The following NF1 variants were observed in gnomAD, a reference collection of about 807,000 sequenced individuals.
NF1 encodes neurofibromin.
A neutral mutation model predicts 325.7 loss-of-function variants in NF1; 122 were observed. That is an observed-to-expected ratio of 0.37 (90% CI 0.32 to 0.44). The LOEUF (loss-of-function observed/expected upper bound fraction) is 0.44. Among genes scored for constraint, NF1 ranks in the 20% least tolerant of loss-of-function variants. The probability of loss-of-function intolerance (pLI) is 1.00; values close to 1 mark genes in which losing one functional copy is unlikely to be tolerated. For synonymous variants in NF1, 1,091 were observed against 1,186.0 expected, an observed-to-expected ratio of 0.92 and a Z score of 1.65; for missense variants, 2,140 against 3,415.4, an observed-to-expected ratio of 0.63 and a Z score of 9.31.
chr17:31,141,667 T>A (rs1916227995), intron 1 of NF1, among the ~76,000 whole-genome samples: 1 of 152,212 alleles, frequency 6.6e-6, no homozygotes, highest in Non-Finnish European at 1.5e-5. Context: ...ACATTTATTA[T>A]CCCACAGTTT....
intron 5 of NF1, among the ~76,000 whole-genome samples, chr17:31,173,216 C>T (rs1485803107): frequency 6.6e-6 from 1 of 152,070 alleles, no homozygotes; most frequent in African/African-American, 2.4e-5. Flanking sequence ...GGAGACCATC[C>T]TGGCTAACAC....
intron 1 of NF1, among the ~76,000 whole-genome samples, chr17:31,140,546 T>C (rs1916138144): frequency 6.6e-6 from 1 of 152,226 alleles, no homozygotes; most frequent in Non-Finnish European, 1.5e-5. Context: ...AAATCCTTAT[T>C]TTATAGAAAT....
chr17:31,294,296 T>A (rs1407396452), intron 36 of NF1, among the ~76,000 whole-genome samples: 1 of 152,234 alleles, frequency 6.6e-6, no homozygotes, highest in African/African-American at 2.4e-5. Context: ...TTAACACTTT[T>A]CTTACATGCA....
chr17:31,311,141 TG>T (rs1210234533), intron 36 of NF1, among the ~76,000 whole-genome samples: 1 of 152,038 alleles, frequency 6.6e-6, no homozygotes, highest in Non-Finnish European at 1.5e-5. Context: ...TTTGTAGACA[TG>T]GGGTTTCACC....
rs1318891665 is a variant in NF1, at chr17:31,343,086, C to G, written c.7140C>G (p.Leu2380=). 1.2e-6 allele frequency: 2 copies of G among 1,613,970 alleles called. No homozygotes were observed. The highest frequency in any genetic ancestry group is 1.7e-6 in the Non-Finnish European group (2 of 1,179,912). Residue 2380 remains leucine, a synonymous_variant, in exon 48 of 58, where the codon CTC becomes CTG. Coordinates refer to ENST00000358273, the MANE Select transcript of NF1 (RefSeq NM_001042492.3). ...HCKQMDHFVG[L]NFNSNFNFAL... is the part of the protein sequence containing the mutation. Reference sequence around the variant, plus strand: ...AGCAAATGGATCATTTTGTTGGACTCAATTTCAACTCTAACTTTAACTTTG... The same window carrying G: ...AGCAAATGGATCATTTTGTTGGACTGAATTTCAACTCTAACTTTAACTTTG...
rs772810457 is a variant in NF1 at position 31,229,224 on chromosome 17, T to C, written c.2609T>C (p.Val870Ala). 3.7e-6 allele frequency: 6 copies of C among 1,612,150 alleles called. No individual in the cohort carries two copies. The South Asian group carries it at 6.6e-5, about 18-fold the overall frequency. ...LATYSPPMGP[V>A]SERKGSMISV... ...ACCTATAGCCCACCCATGGGTCCAG[T>C]CAGTGAACGTAAGGGTTCTATGATT... The change falls in exon 21 of 58, where the codon GTC becomes GCC. Residue 870 changes from valine (V) to alanine (A), a missense_variant. Val to Ala is a moderately conservative substitution (Grantham distance 64). Coordinates refer to ENST00000358273, the MANE Select transcript of NF1 (RefSeq NM_001042492.3).
chr17:31,261,823 C>T lies in NF1; in HGVS notation c.4690C>T (p.Leu1564Phe), dbSNP rs1427435078. 2.5e-6 allele frequency: 4 copies of T among 1,612,972 alleles called. No individual in the cohort carries two copies. The Admixed American group carries it at 6.7e-5, about 27-fold the overall frequency. Residue 1564 changes from leucine to phenylalanine, a missense_variant, in exon 35 of 58, where the codon CTT becomes TTT. Leu to Phe is a conservative substitution (Grantham distance 22). Transcript: ENST00000358273. ...VADTHWSSLNLTSSKFEEFMT... is the reference protein window; with the variant it reads ...VADTHWSSLNFTSSKFEEFMT... ...AGATACACACTGGTCCAGCCTTAAC[C>T]TTACCAGTTCAAAGTTTGAGGAATT...
Position 31,233,168 on chromosome 17 carries a change from C to A in NF1, c.3663C>A (p.Leu1221=). Residue 1221 remains leucine, a synonymous_variant, in exon 27 of 58, where the codon CTC becomes CTA. Coordinates refer to ENST00000358273, the MANE Select transcript of NF1 (RefSeq NM_001042492.3). The part of the protein sequence containing the change: ...LVTMMGDQGE[L]PIAMALANVV... ...CAATGATGGGTGATCAAGGAGAACT[C>A]CCTATAGCGATGGCTCTGGCCAATG... is the stretch of plus-strand genomic sequence containing the variant. The A allele has an allele frequency of 6.2e-7, 1 of 1,614,098 alleles. No individual in the cohort carries two copies. Among genetic ancestry groups the A allele is most frequent in the Non-Finnish European group, 8.5e-7 (1 of 1,180,010 alleles).
chr17:31,356,936 C>T lies in NF1; in HGVS notation c.7739-24C>T, dbSNP rs754490897. ...AAGTGATTATCCAGGTGTTTGATCA[C>T]GTTAATTCCCTATCTTGCTGCAGAA... is the stretch of plus-strand genomic sequence containing the variant. On this transcript the variant is annotated intron_variant, in intron 52 of 57. Transcript: ENST00000358273. 9 of 1,613,222 alleles carry T rather than the reference C, an allele frequency of 5.6e-6. No homozygotes were observed. The East Asian group carries it at 6.7e-5, about 12-fold the overall frequency.
chr17:31,191,377 C>T (rs1447526780), intron 8 of NF1, among the ~76,000 whole-genome samples: 1 of 152,100 alleles, frequency 6.6e-6, no homozygotes, highest in Non-Finnish European at 1.5e-5. Context: ...TTGAAAACAG[C>T]CCAAATGTCC....
chr17:31,232,369 C>T (rs1261590703), intron 25 of NF1, among the ~76,000 whole-genome samples, 180 bp downstream of exon 25: 5 of 151,916 alleles, frequency 3.3e-5, no homozygotes, highest in Non-Finnish European at 7.4e-5. Context: ...ACCCAGATTG[C>T]TTCATTAAGT....
At chr17:31,255,014 G>T (rs1174429023) in intron 31 of NF1, among the ~76,000 whole-genome samples, 2 of 152,168 alleles carry the variant, frequency 1.3e-5, no homozygotes, top group African/African-American at 4.8e-5. Context: ...ATTGGAATAT[G>T]TAAAATATAG....
chr17:31,361,218 A>C (rs2070393576), intron 57 of NF1: 1 of 154,534 alleles, frequency 6.5e-6, no homozygotes, highest in East Asian at 1.9e-4. Context: ...ATAAATAATC[A>C]AACAAAAAAT....
At position 31,374,024 on chromosome 17, in the gene NF1, G is replaced by GAGA. The variant is rs1567634466; in HGVS notation, c.8391_8393dup (p.Glu2797_Asn2798insLys). 3 of 1,614,042 alleles carry GAGA rather than the reference G, an allele frequency of 1.9e-6. No homozygotes were observed. The highest frequency in any genetic ancestry group is 2.5e-6 in the Non-Finnish European group (3 of 1,179,944). ...CTCTTTTTCTCCAGGAATCGACAAG[G>GAGA]AGAACGTTGAACTCTCCCCTACCAC... On this transcript the variant is annotated inframe_insertion, in exon 58 of 58. Coordinates refer to ENST00000358273, the MANE Select transcript of NF1 (RefSeq NM_001042492.3).
chr17:31,350,892 A>G (rs2070124396), intron 50 of NF1, among the ~76,000 whole-genome samples: 1 of 152,192 alleles, frequency 6.6e-6, no homozygotes, highest in African/African-American at 2.4e-5. Flanking sequence ...TTAAATAAAA[A>G]TATCTTTAAG....
At chr17:31,354,865 A>G (rs1206201317) in intron 51 of NF1, among the ~76,000 whole-genome samples, 5 of 152,202 alleles carry the variant, frequency 3.3e-5, no homozygotes, top group South Asian at 2.1e-4. Context: ...CTGAAGTACA[A>G]TGGACATGAC....
intron 1 of NF1, chr17:31,137,027 ATC>A (rs1340560320): frequency 6.6e-6 from 1 of 152,124 alleles, no homozygotes; most frequent in Non-Finnish European, 1.5e-5. Context: ...CTATTTCACT[ATC>A]TGTCTGCTAT....
At chr17:31,237,330 G>A (rs988972153) in intron 29 of NF1, among the ~76,000 whole-genome samples, 2 of 151,948 alleles carry the variant, frequency 1.3e-5, no homozygotes, top group Non-Finnish European at 2.9e-5. Flanking sequence ...GCTGGAGTGC[G>A]GTGGCACCAT....
intron 36 of NF1, chr17:31,318,803 T>C: frequency 1.9e-6 from 3 of 1,614,050 alleles, no homozygotes; most frequent in Non-Finnish European, 2.5e-6. Flanking sequence ...GAATTACCTT[T>C]ATAATCTACT....
Sources: gnomAD v4.1 joint callset for allele counts (sites outside exome capture counted in the v4.1 genomes callset) on GRCh38, gnomAD v4.1.1 for gene constraint, MANE v1.5 for transcripts, NCBI Gene and HGNC (gene_info 2026-07-23, HGNC 2026-07-21) for gene names.